Variants in EFCAB5 observed in about 807,000 individuals in gnomAD.
EFCAB5 encodes EF-hand calcium-binding domain-containing protein 5.
In EFCAB5, 131 loss-of-function variants were observed where a neutral mutation model predicts 167.9. That is an observed-to-expected ratio of 0.78 (90% CI 0.68 to 0.90). The LOEUF is 0.90. Among genes scored for constraint, EFCAB5 ranks in the 40% least tolerant of loss-of-function variants. The probability of loss-of-function intolerance (pLI) is 0.00; values close to 1 mark genes in which losing one functional copy is unlikely to be tolerated. For synonymous variants in EFCAB5, 574 were observed against 602.8 expected (o/e 0.95, Z 0.70); for missense variants, 1,663 against 1,745.2 (o/e 0.95, Z 0.84).
chr17:29,935,883 T>C (rs191714357), intron 1 of EFCAB5, among the ~76,000 whole-genome samples: 16 of 152,316 alleles, frequency 1.1e-4, no homozygotes, highest in Non-Finnish European at 1.9e-4. Context: ...ATGGCACCCA[T>C]GGTTCTGAGA....
At chr17:29,957,583 G>A (rs1385308502) in intron 3 of EFCAB5, among the ~76,000 whole-genome samples, 1 of 152,202 alleles carries the variant, frequency 6.6e-6, no homozygotes, top group Admixed American at 6.5e-5. Context: ...TGCGGTGTTT[G>A]GTTTTTTGCT....
At chr17:30,062,887 C>G (rs1359912874) in intron 14 of EFCAB5, among the ~76,000 whole-genome samples, 2 of 152,162 alleles carry the variant, frequency 1.3e-5, no homozygotes. Context: ...CTCCTCAGTG[C>G]CTAAGTTGAA....
At chr17:29,947,889 A>G (rs1314536757) in intron 3 of EFCAB5, among the ~76,000 whole-genome samples, 1 of 152,088 alleles carries the variant, frequency 6.6e-6, no homozygotes, top group African/African-American at 2.4e-5. Context: ...GCAGTGGCGC[A>G]ATCTCAGCTC....
chr17:30,056,024 C>G (rs140718098), intron 11 of EFCAB5, 40 bp from the exon 12 acceptor site: 1 of 1,612,706 alleles, frequency 6.2e-7, no homozygotes, highest in East Asian at 2.2e-5. Context: ...ATTGTGAAAG[C>G]GAAGTTTGAT....
At chr17:29,986,697 A>C (rs1255603244) in intron 4 of EFCAB5, among the ~76,000 whole-genome samples, 1 of 113,280 alleles carries the variant, frequency 8.8e-6, no homozygotes, top group Non-Finnish European at 1.6e-5. Context: ...CCCAGGCTGG[A>C]GTGCAGTGGC....
Position 30,108,050 on chromosome 17 carries a change from T to C in EFCAB5, c.*26T>C. ...TAATGGATGATAATGGAATTGATAC[T>C]GTATTTAGGATCCTTTGTTTGTTAT... On this transcript the variant is annotated 3_prime_UTR_variant, in exon 23 of 23. Transcript: ENST00000394835. The C allele has an allele frequency of 6.3e-7, 1 of 1,576,588 alleles. No individual in the cohort carries two copies. The highest frequency in any genetic ancestry group is 8.6e-7 in the Non-Finnish European group (1 of 1,167,506).
intron 7 of EFCAB5, among the ~76,000 whole-genome samples, chr17:30,025,858 C>T (rs541774248): frequency 1.3e-5 from 2 of 151,826 alleles, no homozygotes; most frequent in East Asian, 1.9e-4. Flanking sequence ...GATGAGTTCA[C>T]GTCCTTTGTA....
chr17:30,104,271 T>C (rs926536315), intron 22 of EFCAB5, among the ~76,000 whole-genome samples: 7 of 152,218 alleles, frequency 4.6e-5, no homozygotes, highest in African/African-American at 1.7e-4. Context: ...GCTTTGCCCA[T>C]CTATACTAAT....
chr17:29,976,849 A>C (rs1344173021), intron 4 of EFCAB5, among the ~76,000 whole-genome samples: 1 of 152,174 alleles, frequency 6.6e-6, no homozygotes, highest in African/African-American at 2.4e-5. Flanking sequence ...TTAGGTCTCT[A>C]AAAACAACAG....
In EFCAB5 at chr17:30,059,649, T is replaced by TCCAG. The variant is rs2070371762; in HGVS notation, c.2685_2686insCCAG (p.Glu896ProfsTer20). On this transcript the variant is annotated frameshift_variant, in exon 14 of 23. Transcript: ENST00000394835. LOFTEE classifies it high-confidence loss of function. ...GCTTCCTGGATCTGAAGGAAGTTGA[T>TCCAG]GAACTCTTGTACACATACAAGGAGG... is the stretch of plus-strand genomic sequence containing the variant. 6.2e-7 allele frequency: 1 copy of TCCAG among 1,612,886 alleles called. No individual in the cohort carries two copies. Among genetic ancestry groups the TCCAG allele is most frequent in the African/African-American group, 1.3e-5 (1 of 75,030 alleles).
chr17:30,100,790 C>A (rs1225178625), intron 22 of EFCAB5, among the ~76,000 whole-genome samples: 1 of 151,088 alleles, frequency 6.6e-6, no homozygotes, highest in Non-Finnish European at 1.5e-5. Context: ...GAGATTTAAG[C>A]AAAGATGTGA....
rs2071212078 is a variant in EFCAB5 at position 30,092,135 on chromosome 17, G to A, written c.4202G>A (p.Gly1401Glu). The part of the protein sequence containing the change: ...HPELEFSSDF[G>E]SWDKCKFYVN... ...GAGTTGGAATTTTCAAGTGACTTTG[G>A]AAGTTGGGATAAGTGTAAATTTGTA... Residue 1401 changes from glycine (G) to glutamate (E), a missense_variant, in exon 21 of 23, where the codon GGA (glycine) becomes GAA (glutamate). Physicochemically the swap from Gly to Glu is moderately conservative, Grantham distance 98. Coordinates refer to ENST00000394835, the MANE Select transcript of EFCAB5 (RefSeq NM_198529.4). 1.2e-6 allele frequency: 2 copies of A among 1,613,198 alleles called. No homozygotes were observed. The highest frequency in any genetic ancestry group is 1.7e-6 in the Non-Finnish European group (2 of 1,179,402).
At position 30,080,171 on chromosome 17, in the gene EFCAB5, G is replaced by A. The variant is rs759412562; in HGVS notation, c.3127G>A (p.Val1043Met). ...GAAAGGGAATGTTCTATTGAGGAAT[G>A]TGGCTTGTACCTTAGATGATGCTCA... Reference protein sequence around the residue: ...PEKGNVLLRNVACTLDDAQFV... With the variant: ...PEKGNVLLRNMACTLDDAQFV... The change falls in exon 16 of 23, where the codon GTG becomes ATG. Residue 1043 changes from valine to methionine, a missense_variant. Transcript: ENST00000394835. 3 of 1,613,914 alleles carry A rather than the reference G, an allele frequency of 1.9e-6. No individual in the cohort carries two copies. Among genetic ancestry groups the A allele is most frequent in the Non-Finnish European group, 2.5e-6 (3 of 1,179,824 alleles).
At chr17:30,087,413 C>A (rs1189346316) in intron 19 of EFCAB5, among the ~76,000 whole-genome samples, 4 of 152,148 alleles carry the variant, frequency 2.6e-5, no homozygotes, top group Middle Eastern at 3.2e-3. Flanking sequence ...TTAAGCCCCG[C>A]ATGCATTAGC....
intron 8 of EFCAB5, among the ~76,000 whole-genome samples, chr17:30,039,127 G>A (rs1399780081): frequency 6.6e-6 from 1 of 152,040 alleles, no homozygotes; most frequent in Non-Finnish European, 1.5e-5. Flanking sequence ...TAGAATTTCC[G>A]GTAAACCAAC....
Position 29,941,852 on chromosome 17 carries a change from A to G in EFCAB5, c.42+14A>G. On this transcript the variant is annotated intron_variant, in intron 1 of 22. Coordinates refer to ENST00000394835, the MANE Select transcript of EFCAB5 (RefSeq NM_198529.4). ...AGACCTGCTCAGGTTCTTGTCCTACATAGGTTTATCACATTTATGGGAAGA... is the reference window on the plus strand; with the variant it reads ...AGACCTGCTCAGGTTCTTGTCCTACGTAGGTTTATCACATTTATGGGAAGA... The G allele has an allele frequency of 6.3e-7, 1 of 1,598,092 alleles. No homozygotes were observed. Among genetic ancestry groups the G allele is most frequent in the Non-Finnish European group, 8.5e-7 (1 of 1,171,140 alleles).
At chr17:30,026,075 C>T (rs1005856380) in intron 7 of EFCAB5, among the ~76,000 whole-genome samples, 6 of 151,372 alleles carry the variant, frequency 4.0e-5, no homozygotes, top group Non-Finnish European at 7.4e-5. Context: ...TGCTAAATGA[C>T]GAGTTAATGG....
At chr17:30,032,057 T>C (rs1289760410) in intron 7 of EFCAB5, 1 of 152,038 alleles carries the variant, frequency 6.6e-6, no homozygotes, top group African/African-American at 2.4e-5. Context: ...AAAATAAAAA[T>C]TATATGTCAA....
chr17:30,007,971 A>G (rs1042396795), intron 7 of EFCAB5, among the ~76,000 whole-genome samples: 1 of 152,192 alleles, frequency 6.6e-6, no homozygotes. Flanking sequence ...CAACAGAGTG[A>G]GACCCTGTCT....
Sources: allele counts gnomAD v4.1 joint callset (sites outside exome capture counted in the v4.1 genomes callset), GRCh38; gene constraint gnomAD v4.1.1; transcripts MANE v1.5; gene names NCBI Gene and HGNC (gene_info 2026-07-23, HGNC 2026-07-21).